TKT: variants seen among roughly 807,000 people sequenced by gnomAD.
The protein encoded by TKT is transketolase.
TKT carries 47 observed loss-of-function variants against 63.9 expected under a neutral mutation model. The observed-to-expected ratio is 0.74, with a 90% CI of 0.58 to 0.94. The LOEUF is 0.94. Among genes scored for constraint, TKT ranks in the 40% least tolerant of loss-of-function variants. The pLI is 0.00. For synonymous variants in TKT, 338 were observed against 334.1 expected (o/e 1.01, Z -0.13); for missense variants, 721 against 846.2 (o/e 0.85, Z 1.84).
At chr3:53,241,036 T>G in intron 3 of TKT, 96 bp downstream of exon 3, 4 of 1,062,492 alleles carry the variant, frequency 3.8e-6, no homozygotes, top group Non-Finnish European at 5.3e-6. Context: ...TTCAACACCT[T>G]TGGCTTCTCA....
intron 2 of TKT, 53 bp from the exon 3 acceptor site, chr3:53,241,298 G>A (rs1705263778): frequency 4.7e-6 from 7 of 1,501,750 alleles, no homozygotes; most frequent in Admixed American, 2.0e-5. Flanking sequence ...GTTCTACTTC[G>A]GGCTGTGCCT....
At chr3:53,238,329 G>GTC (rs1705126126) in intron 4 of TKT, among the ~76,000 whole-genome samples, 2 of 152,330 alleles carry the variant, frequency 1.3e-5, no homozygotes, top group African/African-American at 4.8e-5. Flanking sequence ...TTCTTTGTGT[G>GTC]TCTCTCTCTC....
chr3:53,249,315 C>T lies in TKT; in HGVS notation c.107+6521G>A, dbSNP rs189382645. Among the ~76,000 whole-genome samples, 61 of 152,110 alleles carry T rather than the reference C, an allele frequency of 4.0e-4. 1 individual carries two copies. Among genetic ancestry groups the T allele is most frequent in the Admixed American group, 3.5e-3 (53 of 15,286 alleles). On this transcript the variant is annotated intron_variant, in intron 1 of 13. Coordinates refer to ENST00000462138, the MANE Select transcript of TKT (RefSeq NM_001064.4). ...AAAAAGGGCCTGGAGCAGTGGCTCA[C>T]GCCTGTAATCCCAACACTTTGGGAG...
Position 53,226,807 on chromosome 3 carries a change from C to T in TKT, c.1645G>A (p.Ala549Thr), listed in dbSNP as rs1553675633. 6 of 1,614,000 alleles carry T rather than the reference C, an allele frequency of 3.7e-6. No individual in the cohort carries two copies. The highest frequency in any genetic ancestry group is 4.5e-5 in the East Asian group (2 of 44,894). The change falls in exon 13 of 14, where the codon GCT becomes ACT. Residue 549 changes from alanine (A) to threonine (T), a missense_variant. Coordinates refer to ENST00000462138, the MANE Select transcript of TKT (RefSeq NM_001064.4). ...PLDRKLILDS[A>T]RATKGRILTV... ...AGGATCCTGCCCTTGGTGGCACGAGCGCTGTCGAGAATGAGTTTTCTGTCC... is the reference window on the plus strand; with the variant it reads ...AGGATCCTGCCCTTGGTGGCACGAGTGCTGTCGAGAATGAGTTTTCTGTCC...
chr3:53,232,863 G>T, intron 6 of TKT: 1 of 425,120 alleles, frequency 2.4e-6, no homozygotes, highest in Non-Finnish European at 4.2e-6. Flanking sequence ...GCCAGGGTGG[G>T]GCACGGGGGC....
At chr3:53,228,971 G>A in intron 10 of TKT, 36 bp downstream of exon 10, 1 of 1,611,628 alleles carries the variant, frequency 6.2e-7, no homozygotes, top group East Asian at 2.2e-5. Flanking sequence ...GGAAGTGATG[G>A]CTGCCAGCAG....
rs138063237 is a variant in TKT at position 53,242,142 on chromosome 3, G to A, written c.208C>T (p.Arg70Cys). Residue 70 changes from arginine (R) to cysteine (C), a missense_variant, in exon 2 of 14, where the codon CGC (arginine) becomes TGC (cysteine). By Grantham distance (180) the Arg-to-Cys change is radical (BLOSUM62 -3). Transcript: ENST00000462138. ...GCTCTTACCTTGGAGAGCACAAAGCGGTCATTGTGCGGATTCCGGGGGTCC... is the reference window on the plus strand; with the variant it reads ...GCTCTTACCTTGGAGAGCACAAAGCAGTCATTGTGCGGATTCCGGGGGTCC... ...SQDPRNPHND[R>C]FVLSKGHAAP... The A allele has an allele frequency of 5.0e-6, 8 of 1,613,906 alleles. No individual in the cohort carries two copies. The highest frequency in any genetic ancestry group is 4.5e-5 in the East Asian group (2 of 44,906).
Position 53,229,136 on chromosome 3 carries a change from C to T in TKT, c.1266G>A (p.Gly422=). The change falls in exon 10 of 14, where the codon GGG becomes GGA. Residue 422 remains glycine, a splice_region_variant and synonymous_variant. Transcript: ENST00000462138. ...LCGSHCGVSI[G]EDGPSQMALE... ...GGGCCATCTGGGAGGGCCCGTCTTC[C>T]CCTGGGGTGTGGGGGAAAGGATATG... 5.6e-6 allele frequency: 9 copies of T among 1,614,140 alleles called. No homozygotes were observed. The highest frequency in any genetic ancestry group is 7.6e-6 in the Non-Finnish European group (9 of 1,180,014).
In TKT at chr3:53,233,220, A is replaced by AAAG; in HGVS notation, c.681_683dup (p.Phe228dup). ...CTGTTGGCTGGTGCTTGGCCTGGCCAAAGGCCTTGCACAGCTCCTCCACGC... is the reference window on the plus strand; with the variant it reads ...CTGTTGGCTGGTGCTTGGCCTGGCCAAAGAAGGCCTTGCACAGCTCCTCCACGC... On this transcript the variant is annotated inframe_insertion, in exon 6 of 14. Coordinates refer to ENST00000462138, the MANE Select transcript of TKT (RefSeq NM_001064.4). 1 of 1,613,832 alleles carries AAAG rather than the reference A, an allele frequency of 6.2e-7. No homozygotes were observed. Among genetic ancestry groups the AAAG allele is most frequent in the East Asian group, 2.2e-5 (1 of 44,876 alleles).
chr3:53,246,325 T>C (rs1705502705), intron 1 of TKT, among the ~76,000 whole-genome samples: 1 of 152,144 alleles, frequency 6.6e-6, no homozygotes, highest in Admixed American at 6.6e-5. Flanking sequence ...CTGCCCCGCA[T>C]TGTTTGCAAT....
rs1553675277 is a variant in TKT, at chr3:53,225,730, C to A, written c.*26G>T. On this transcript the variant is annotated 3_prime_UTR_variant, in exon 14 of 14. Coordinates refer to ENST00000462138, the MANE Select transcript of TKT (RefSeq NM_001064.4). ...TCCCAGAATCTCAGGAATGTATAGA[C>A]CCCCGCCCCACACTTCATACCCGCC... 3.8e-6 allele frequency: 6 copies of A among 1,586,718 alleles called. No homozygotes were observed. In the East Asian group the frequency reaches 1.1e-4, roughly 30 times the overall value.
intron 1 of TKT, among the ~76,000 whole-genome samples, chr3:53,247,148 G>T (rs1167558849): frequency 6.6e-6 from 1 of 151,684 alleles, no homozygotes; most frequent in African/African-American, 2.4e-5. Flanking sequence ...CCTGAGGTCA[G>T]GAGTCTGAGA....
chr3:53,234,777 A>G, intron 5 of TKT: 1 of 471,142 alleles, frequency 2.1e-6, no homozygotes, highest in Non-Finnish European at 3.7e-6. Context: ...AAGGAAACTC[A>G]CTTAAAACTG....
intron 8 of TKT, among the ~76,000 whole-genome samples, chr3:53,229,949 C>T (rs561855336): frequency 6.6e-6 from 1 of 152,320 alleles, no homozygotes; most frequent in East Asian, 1.9e-4. Context: ...ATTTTGAAAA[C>T]ATGGACAAAA....
rs1575564636 is a variant in TKT at position 53,235,163 on chromosome 3, T to A, written c.449A>T (p.Tyr150Phe). The A allele has an allele frequency of 6.2e-7, 1 of 1,611,428 alleles. No homozygotes were observed. ...CAGCTCCCCGTCTCCCAGCAAGCAA[T>A]AGACTCGGTAGCTGTGGACAGAGAG... ...KYFDKASYRVYCLLGDGELSE... is the reference protein window; with the variant it reads ...KYFDKASYRVFCLLGDGELSE... The change falls in exon 5 of 14, where the codon TAT becomes TTT. Residue 150 changes from tyrosine (Y) to phenylalanine (F), a missense_variant. By Grantham distance (22) the Tyr-to-Phe change is conservative. Coordinates refer to ENST00000462138, the MANE Select transcript of TKT (RefSeq NM_001064.4).
rs1704462790 is a variant in TKT at position 53,225,666 on chromosome 3, T to C, written c.*90A>G. 2 of 1,368,080 alleles carry C rather than the reference T, an allele frequency of 1.5e-6. No individual in the cohort carries two copies. Among genetic ancestry groups the C allele is most frequent in the East Asian group, 2.5e-5 (1 of 40,804 alleles). 84.7% of individuals were successfully genotyped at this position (1,368,080 alleles called of 1,614,324 possible). ...GGGCCAATTCATTTTTCTCAAAACA[T>C]ATATTTACCCCTCCTCTCAGTACAT... On this transcript the variant is annotated 3_prime_UTR_variant, in exon 14 of 14. Coordinates refer to ENST00000462138, the MANE Select transcript of TKT (RefSeq NM_001064.4).
intron 2 of TKT, 100 bp downstream of exon 2, chr3:53,242,023 TGG>T: frequency 9.2e-7 from 1 of 1,082,142 alleles, no homozygotes; most frequent in Non-Finnish European, 1.4e-6. Flanking sequence ...CTGGGAGAGG[TGG>T]GCCCAGCCAG....
At chr3:53,246,618 C>T (rs917990039) in intron 1 of TKT, among the ~76,000 whole-genome samples, 1 of 151,002 alleles carries the variant, frequency 6.6e-6, no homozygotes, top group Non-Finnish European at 1.5e-5. Flanking sequence ...TTTGGGAGGC[C>T]GAGGAGGGCA....
In TKT at chr3:53,226,674, G is replaced by T. The variant is rs1704509596; in HGVS notation, c.1696+82C>A. 4 of 1,598,612 alleles carry T rather than the reference G, an allele frequency of 2.5e-6. No homozygotes were observed. In the South Asian group the frequency reaches 3.3e-5, roughly 13 times the overall value. On this transcript the variant is annotated intron_variant, in intron 13 of 13. Transcript: ENST00000462138. ...TTCTGGGCCACAGCTGCCCTCCTGG[G>T]GCTCAGATAGAAGAGGCACGTCCAA...
Sources: allele counts gnomAD v4.1 joint callset (sites outside exome capture counted in the v4.1 genomes callset), GRCh38; gene constraint gnomAD v4.1.1; transcripts MANE v1.5; gene names NCBI Gene and HGNC (gene_info 2026-07-23, HGNC 2026-07-21).